Variants in PDE4B observed in about 807,000 individuals in gnomAD.
PDE4B encodes 3',5'-cyclic-AMP phosphodiesterase 4B.
A neutral mutation model predicts 82.2 loss-of-function variants in PDE4B; 20 were observed. The observed-to-expected ratio is 0.24, with a 90% CI of 0.17 to 0.35. PDE4B has a LOEUF of 0.35. PDE4B is among the 10% of genes least tolerant of loss of function. The probability of loss-of-function intolerance (pLI) is 1.00; values close to 1 mark genes in which losing one functional copy is unlikely to be tolerated. For missense variants in PDE4B, 655 were observed against 907.2 expected, an observed-to-expected ratio of 0.72 and a Z score of 3.57; for synonymous variants, 320 against 318.9, an observed-to-expected ratio of 1.00 and a Z score of -0.04.
rs565470260 is a variant in PDE4B at position 66,221,728 on chromosome 1, C to T, written c.282-25732C>T. On this transcript the variant is annotated intron_variant, in intron 3 of 16. Coordinates refer to ENST00000341517, the MANE Select transcript of PDE4B (RefSeq NM_002600.4). ...ACAAACAGATAAGATCATTGAGGAA[C>T]TTCAGTTCCAAAATATTTTCTCCTT... Among the ~76,000 whole-genome samples the T allele has an allele frequency of 5.9e-5, 9 of 152,244 alleles. No homozygotes were observed. The South Asian group carries it at 1.9e-3, about 32-fold the overall frequency.
At chr1:66,261,775 T>C in intron 6 of PDE4B, among the ~76,000 whole-genome samples, 1 of 152,244 alleles carries the variant, frequency 6.6e-6, no homozygotes, top group South Asian at 2.1e-4. Flanking sequence ...CCTGTATTTC[T>C]TGGCTGCAAA....
intron 3 of PDE4B, among the ~76,000 whole-genome samples, chr1:65,982,385 G>C (rs769485869): frequency 6.6e-6 from 1 of 152,188 alleles, no homozygotes; most frequent in Non-Finnish European, 1.5e-5. Context: ...CTACATTGAA[G>C]AAGGAGTTGT....
intron 7 of PDE4B, among the ~76,000 whole-genome samples, chr1:66,311,423 C>G (rs1415456459): frequency 6.6e-6 from 1 of 152,246 alleles, no homozygotes; most frequent in Non-Finnish European, 1.5e-5. Flanking sequence ...CTTATTTTAC[C>G]AGATAATCAG....
intron 3 of PDE4B, among the ~76,000 whole-genome samples, chr1:66,136,611 G>A (rs1305054075): frequency 6.7e-6 from 1 of 150,344 alleles, no homozygotes; most frequent in African/African-American, 2.4e-5. Flanking sequence ...TCGGTAGGCT[G>A]GGGTTGAACC....
intron 8 of PDE4B, among the ~76,000 whole-genome samples, chr1:66,335,289 T>G (rs1039631936): frequency 6.6e-6 from 1 of 152,212 alleles, no homozygotes; most frequent in Non-Finnish European, 1.5e-5. Context: ...GGCCACTAAG[T>G]TTTGTTTGCA....
intron 3 of PDE4B, among the ~76,000 whole-genome samples, chr1:66,141,715 T>C (rs1358451507): frequency 6.6e-6 from 1 of 152,094 alleles, no homozygotes; most frequent in East Asian, 1.9e-4. Context: ...GTCAGTTTCC[T>C]TTATGACAAC....
At chr1:65,926,068 C>T (rs1193218867) in intron 3 of PDE4B, among the ~76,000 whole-genome samples, 1 of 152,172 alleles carries the variant, frequency 6.6e-6, no homozygotes, top group Non-Finnish European at 1.5e-5. Context: ...ATGCCTCACC[C>T]TGGCATGGCT....
At chr1:66,214,260 A>G (rs1650282880) in intron 3 of PDE4B, among the ~76,000 whole-genome samples, 1 of 152,206 alleles carries the variant, frequency 6.6e-6, no homozygotes, top group Admixed American at 6.5e-5. Flanking sequence ...TTAAATGAAG[A>G]AAAGCCTCTG....
intron 8 of PDE4B, among the ~76,000 whole-genome samples, chr1:66,353,721 G>A (rs528403909): frequency 6.6e-6 from 1 of 152,108 alleles, no homozygotes; most frequent in Non-Finnish European, 1.5e-5. Flanking sequence ...GGGAAGAAGG[G>A]AGAGAGAAAC....
intron 7 of PDE4B, among the ~76,000 whole-genome samples, chr1:66,270,901 A>G (rs1375900885): frequency 1.3e-5 from 2 of 152,266 alleles, no homozygotes; most frequent in Non-Finnish European, 2.9e-5. Context: ...TAATTGCCTT[A>G]ATTACTCGCC....
At chr1:66,360,771 G>A (rs1272253606) in intron 9 of PDE4B, 1 of 152,164 alleles carries the variant, frequency 6.6e-6, no homozygotes, top group African/African-American at 2.4e-5. Flanking sequence ...GTAAAGGAAA[G>A]AGCTTCTATA....
chr1:66,090,723 G>A (rs6650100), intron 3 of PDE4B, among the ~76,000 whole-genome samples: 2 of 83,520 alleles, frequency 2.4e-5, no homozygotes, highest in Admixed American at 1.2e-4. Context: ...GTGTGTATAT[G>A]TATATGTATG....
chr1:66,032,363 T>C (rs1653825523), intron 3 of PDE4B, among the ~76,000 whole-genome samples: 1 of 152,170 alleles, frequency 6.6e-6, no homozygotes, highest in South Asian at 2.1e-4. Context: ...ATTATAATCC[T>C]AGGAGGCTAT....
chr1:66,263,284 T>C (rs1180581620), intron 6 of PDE4B, among the ~76,000 whole-genome samples: 1 of 152,202 alleles, frequency 6.6e-6, no homozygotes, highest in East Asian at 1.9e-4. Context: ...AGGTGATGCC[T>C]GAGCAGAGTC....
intron 3 of PDE4B, among the ~76,000 whole-genome samples, chr1:66,168,591 T>C (rs548715811): frequency 6.6e-6 from 1 of 152,082 alleles, no homozygotes; most frequent in Admixed American, 6.5e-5. Flanking sequence ...ATGGGGAGAA[T>C]GAGGAATGAG....
chr1:66,058,555 TGAAGTC>T (rs2100887394), intron 3 of PDE4B, among the ~76,000 whole-genome samples: 1 of 152,346 alleles, frequency 6.6e-6, no homozygotes, highest in African/African-American at 2.4e-5. Flanking sequence ...ATACATCCTC[TGAAGTC>T]TAAGCAGAGG....
chr1:65,891,649 A>G (rs2100387558), intron 1 of PDE4B, among the ~76,000 whole-genome samples: 1 of 152,158 alleles, frequency 6.6e-6, no homozygotes, highest in African/African-American at 2.4e-5. Context: ...AATGAATGTT[A>G]GTTATTTCAT....
chr1:66,135,537 C>T (rs923377364), intron 3 of PDE4B, among the ~76,000 whole-genome samples: 2 of 152,036 alleles, frequency 1.3e-5, no homozygotes, highest in Non-Finnish European at 2.9e-5. Context: ...ATATGGAAAT[C>T]AAGGATGATT....
intron 3 of PDE4B, among the ~76,000 whole-genome samples, chr1:66,088,175 T>TG (rs869222682): frequency 6.7e-6 from 1 of 148,346 alleles, no homozygotes; most frequent in Admixed American, 6.7e-5. Flanking sequence ...AGAAGAGGGG[T>TG]GGGGAGGACA....
Sources: allele counts gnomAD v4.1 joint callset (sites outside exome capture counted in the v4.1 genomes callset), GRCh38; gene constraint gnomAD v4.1.1; transcripts MANE v1.5; gene names NCBI Gene and HGNC (gene_info 2026-07-23, HGNC 2026-07-21).